BICD1: variants seen among roughly 807,000 people sequenced by gnomAD.
The protein encoded by BICD1 is BICD cargo adaptor 1, also known as protein bicaudal D homolog 1.
In BICD1, 35 loss-of-function variants were observed where a neutral mutation model predicts 92.5. The observed-to-expected ratio is 0.38, with a 90% CI of 0.29 to 0.50. The LOEUF is 0.50. Among genes scored for constraint, BICD1 ranks in the 20% least tolerant of loss-of-function variants. The pLI, the probability that BICD1 is intolerant of heterozygous loss-of-function variation, is 0.93. For missense variants in BICD1, 950 were observed against 1,189.8 expected (o/e 0.80, Z 2.97); for synonymous variants, 429 against 465.1 (o/e 0.92, Z 1.00).
chr12:32,252,117 A>ATATAT (rs372143861), intron 2 of BICD1, among the ~76,000 whole-genome samples: 464 of 30,500 alleles, frequency 0.015, 78 homozygotes, highest in Non-Finnish European at 0.022. Flanking sequence ...ATTATATATT[A>ATATAT]TATATTTATA....
At chr12:32,170,988 A>T (rs561427556) in intron 1 of BICD1, among the ~76,000 whole-genome samples, 52 of 152,310 alleles carry the variant, frequency 3.4e-4, no homozygotes, top group African/African-American at 1.2e-3. Context: ...AAGATTTAAT[A>T]TTTAATTGCC....
intron 2 of BICD1, among the ~76,000 whole-genome samples, chr12:32,224,211 TC>T: frequency 6.6e-6 from 1 of 152,336 alleles, no homozygotes; most frequent in East Asian, 1.9e-4. Context: ...CCTGGCCTGT[TC>T]CTGTCTCTCT....
intron 1 of BICD1, among the ~76,000 whole-genome samples, chr12:32,174,106 A>G (rs982637840): frequency 1.3e-5 from 2 of 152,062 alleles, no homozygotes; most frequent in Non-Finnish European, 1.5e-5. Flanking sequence ...TTCTTTGTCT[A>G]TTATAAATAT....
At chr12:32,135,053 T>TCCCCTC (rs1942681241) in intron 1 of BICD1, among the ~76,000 whole-genome samples, 1 of 28,672 alleles carries the variant, frequency 3.5e-5, no homozygotes, top group Non-Finnish European at 7.6e-5. Context: ...CCTCCTCCCC[T>TCCCCTC]CCATTCCCCT....
At chr12:32,164,324 A>G (rs1943689703) in intron 1 of BICD1, among the ~76,000 whole-genome samples, 1 of 152,240 alleles carries the variant, frequency 6.6e-6, no homozygotes, top group African/African-American at 2.4e-5. Context: ...GAATCTTTGC[A>G]GTTTTAATGG....
intron 1 of BICD1, among the ~76,000 whole-genome samples, chr12:32,162,052 C>CT (rs1943616677): frequency 6.6e-6 from 1 of 152,210 alleles, no homozygotes; most frequent in Admixed American, 6.5e-5. Flanking sequence ...GGAATGGACA[C>CT]TGCAACTTCT....
At chr12:32,202,935 A>G (rs1413840512) in intron 1 of BICD1, among the ~76,000 whole-genome samples, 1 of 152,066 alleles carries the variant, frequency 6.6e-6, no homozygotes, top group Non-Finnish European at 1.5e-5. Flanking sequence ...CTTAATGAAT[A>G]AGGTTTGGAT....
At chr12:32,360,627 A>G (rs1014539561) in intron 8 of BICD1, among the ~76,000 whole-genome samples, 13 of 152,196 alleles carry the variant, frequency 8.5e-5, no homozygotes, top group African/African-American at 2.9e-4. Context: ...GCAATTAACC[A>G]GGCATTTTTT....
At chr12:32,320,687 T>TA (rs369766130) in intron 4 of BICD1, among the ~76,000 whole-genome samples, 7 of 150,988 alleles carry the variant, frequency 4.6e-5, no homozygotes, top group African/African-American at 9.7e-5. Flanking sequence ...CTCAGTGAAA[T>TA]AAAAAAAAAT....
chr12:32,318,863 A>G (rs532808378), intron 4 of BICD1, among the ~76,000 whole-genome samples: 2 of 152,156 alleles, frequency 1.3e-5, no homozygotes, highest in African/African-American at 4.8e-5. Flanking sequence ...TGAAAAAAAA[A>G]TTTTATTCTG....
chr12:32,367,145 G>C (rs1939554157), intron 8 of BICD1, among the ~76,000 whole-genome samples: 1 of 152,124 alleles, frequency 6.6e-6, no homozygotes, highest in African/African-American at 2.4e-5. Flanking sequence ...AAACTGTAAA[G>C]ATTATTTCCT....
chr12:32,326,385 C>A (rs1211108621), intron 4 of BICD1, among the ~76,000 whole-genome samples: 1 of 152,022 alleles, frequency 6.6e-6, no homozygotes, highest in Non-Finnish European at 1.5e-5. Flanking sequence ...TTCCACATTG[C>A]AATTTCTTAT....
chr12:32,116,988 T>C (rs779770724), intron 1 of BICD1, among the ~76,000 whole-genome samples: 285 of 150,084 alleles, frequency 1.9e-3, no homozygotes, highest in Middle Eastern at 0.017. Flanking sequence ...TATTATGTTA[T>C]AGAACTGATA....
intron 2 of BICD1, among the ~76,000 whole-genome samples, chr12:32,246,683 G>A (rs183004270): frequency 1.3e-5 from 2 of 152,214 alleles, no homozygotes; most frequent in East Asian, 3.9e-4. Flanking sequence ...CAGATTTTCA[G>A]TGTTTATTGT....
chr12:32,233,099 A>G (rs567694784), intron 2 of BICD1, among the ~76,000 whole-genome samples: 32 of 152,282 alleles, frequency 2.1e-4, no homozygotes, highest in African/African-American at 7.0e-4. Flanking sequence ...AGGCGGGCAT[A>G]TCACTTGAGG....
At chr12:32,235,820 C>A (rs1311705351) in intron 2 of BICD1, among the ~76,000 whole-genome samples, 1 of 151,416 alleles carries the variant, frequency 6.6e-6, no homozygotes, top group Non-Finnish European at 1.5e-5. Flanking sequence ...CCTGCCTCAG[C>A]CTCCCAAGTA....
intron 1 of BICD1, among the ~76,000 whole-genome samples, chr12:32,158,831 G>A (rs1943518676): frequency 6.6e-6 from 1 of 152,180 alleles, no homozygotes; most frequent in Non-Finnish European, 1.5e-5. Context: ...TTTTCCTAGG[G>A]CCTTGCACAG....
chr12:32,112,095 C>T (rs1222810603), intron 1 of BICD1, among the ~76,000 whole-genome samples: 2 of 147,508 alleles, frequency 1.4e-5, no homozygotes, highest in Admixed American at 6.8e-5. Flanking sequence ...CAAATTCTGC[C>T]TCTTGGGTTC....
intron 2 of BICD1, among the ~76,000 whole-genome samples, chr12:32,258,063 T>C (rs926574691): frequency 6.6e-6 from 1 of 152,234 alleles, no homozygotes; most frequent in Non-Finnish European, 1.5e-5. Flanking sequence ...GAGGTAGAAT[T>C]GCAGCAGAGT....
Sources: allele counts gnomAD v4.1 joint callset (sites outside exome capture counted in the v4.1 genomes callset), GRCh38; gene constraint gnomAD v4.1.1; transcripts MANE v1.5; gene names NCBI Gene and HGNC (gene_info 2026-07-23, HGNC 2026-07-21).